Variants in CADPS2 observed in about 807,000 individuals in gnomAD.
The protein encoded by CADPS2 is calcium-dependent secretion activator 2.
CADPS2 carries 93 observed loss-of-function variants against 172.5 expected under a neutral mutation model. The observed-to-expected ratio is 0.54, with a 90% CI of 0.46 to 0.64. The LOEUF (loss-of-function observed/expected upper bound fraction) is 0.64. CADPS2 is among the 30% of genes least tolerant of loss of function. The pLI is 0.00. For synonymous variants in CADPS2, 546 were observed against 555.2 expected (o/e 0.98, Z 0.23); for missense variants, 1,420 against 1,565.9 (o/e 0.91, Z 1.57).
At chr7:122,405,139 C>A (rs113911847) in intron 20 of CADPS2, among the ~76,000 whole-genome samples, 4,521 of 145,986 alleles carry the variant, frequency 0.031, 212 homozygotes, top group African/African-American at 0.12. Context: ...AACAAAAAAA[C>A]AAAACAAAAC....
At chr7:122,517,128 T>C (rs1046868963) in intron 8 of CADPS2, among the ~76,000 whole-genome samples, 2 of 152,294 alleles carry the variant, frequency 1.3e-5, no homozygotes, top group African/African-American at 4.8e-5. Flanking sequence ...CAGAACAACA[T>C]ATAATTGGAA....
intron 28 of CADPS2, among the ~76,000 whole-genome samples, chr7:122,326,984 T>A (rs922420246): frequency 2.6e-5 from 4 of 152,076 alleles, no homozygotes; most frequent in Non-Finnish European, 5.9e-5. Flanking sequence ...CTTCAAGTTT[T>A]AAAAATGTGA....
chr7:122,657,216 G>T (rs2079913285), intron 3 of CADPS2, among the ~76,000 whole-genome samples: 1 of 152,178 alleles, frequency 6.6e-6, no homozygotes, highest in African/African-American at 2.4e-5. Flanking sequence ...CTGTAGCCTT[G>T]TAGTATAGTT....
At chr7:122,389,348 A>G (rs2044091821) in intron 22 of CADPS2, among the ~76,000 whole-genome samples, 1 of 152,032 alleles carries the variant, frequency 6.6e-6, no homozygotes, top group Non-Finnish European at 1.5e-5. Context: ...ATTGTCTGAC[A>G]GAGAAATGAC....
At chr7:122,404,455 G>T (rs956559260) in intron 20 of CADPS2, among the ~76,000 whole-genome samples, 1 of 152,106 alleles carries the variant, frequency 6.6e-6, no homozygotes, top group East Asian at 1.9e-4. Flanking sequence ...ATAAACATAC[G>T]TGTGCATGTG....
chr7:122,689,007 C>T (rs914115282), intron 2 of CADPS2, among the ~76,000 whole-genome samples: 1 of 152,122 alleles, frequency 6.6e-6, no homozygotes, highest in African/African-American at 2.4e-5. Context: ...TTACATTCCA[C>T]CCCCTAGGCT....
intron 16 of CADPS2, among the ~76,000 whole-genome samples, chr7:122,439,721 G>T (rs1006343094): frequency 6.6e-6 from 1 of 152,102 alleles, no homozygotes; most frequent in African/African-American, 2.4e-5. Flanking sequence ...AATTAGCACT[G>T]CACATTAGAC....
chr7:122,422,616 C>G (rs370725203), intron 17 of CADPS2, among the ~76,000 whole-genome samples: 1 of 152,100 alleles, frequency 6.6e-6, no homozygotes, highest in Non-Finnish European at 1.5e-5. Context: ...AATACTCTAT[C>G]TTAGGTAACT....
intron 29 of CADPS2, among the ~76,000 whole-genome samples, chr7:122,321,501 T>C (rs2032512775): frequency 6.6e-6 from 1 of 152,132 alleles, no homozygotes. Flanking sequence ...TTTTTGTTTT[T>C]ATTTTGACAT....
At chr7:122,347,309 T>G (rs1461651251) in intron 27 of CADPS2, among the ~76,000 whole-genome samples, 2 of 152,174 alleles carry the variant, frequency 1.3e-5, no homozygotes, top group African/African-American at 2.4e-5. Flanking sequence ...GGGGGCATAT[T>G]TTATATAACA....
At chr7:122,394,975 T>C (rs2044879534) in intron 20 of CADPS2, among the ~76,000 whole-genome samples, 2 of 152,186 alleles carry the variant, frequency 1.3e-5, no homozygotes, top group African/African-American at 4.8e-5. Flanking sequence ...AAGTTAGTAA[T>C]CTCATTCACT....
chr7:122,851,006 T>A, intron 1 of CADPS2, among the ~76,000 whole-genome samples: 1 of 152,362 alleles, frequency 6.6e-6, no homozygotes, highest in East Asian at 1.9e-4. Flanking sequence ...CTAAGTTGTA[T>A]GCCTACAATG....
intron 11 of CADPS2, among the ~76,000 whole-genome samples, chr7:122,483,171 T>C (rs1363110261): frequency 3.9e-5 from 6 of 152,146 alleles, no homozygotes; most frequent in African/African-American, 1.4e-4. Context: ...AGAACAAGCA[T>C]TTTTATGAAG....
intron 20 of CADPS2, among the ~76,000 whole-genome samples, chr7:122,396,792 C>CTGCTGACATATTTCT (rs574931880): frequency 6.6e-6 from 1 of 152,162 alleles, no homozygotes; most frequent in Non-Finnish European, 1.5e-5. Flanking sequence ...TGGTCTTCTC[C>CTGCTGACATATTTCT]TGCTGACATA....
intron 2 of CADPS2, among the ~76,000 whole-genome samples, chr7:122,733,338 C>A (rs1378773793): frequency 6.6e-6 from 1 of 151,838 alleles, no homozygotes; most frequent in Non-Finnish European, 1.5e-5. Context: ...TACTGCAATA[C>A]CCATTCACTC....
rs543222711 is a variant in CADPS2 at position 122,455,466 on chromosome 7, T to C, written c.2187-3991A>G. Among the ~76,000 whole-genome samples the C allele has an allele frequency of 2.3e-4, 35 of 152,030 alleles. No homozygotes were observed. The South Asian group carries it at 7.3e-3, about 32-fold the overall frequency. On this transcript the variant is annotated intron_variant, in intron 14 of 29. Transcript: ENST00000449022. ...ATGGCCACTGTACATATGGCTGCCA[T>C]CTAACATGATATATTTACCTATTTG... is the stretch of plus-strand genomic sequence containing the variant.
intron 2 of CADPS2, chr7:122,698,499 G>A: frequency 1.2e-6 from 2 of 1,613,874 alleles, no homozygotes; most frequent in South Asian, 1.1e-5. Context: ...GAAACATGGG[G>A]AACACCTGGT....
intron 20 of CADPS2, among the ~76,000 whole-genome samples, chr7:122,404,152 C>T (rs1401448032): frequency 6.6e-6 from 1 of 152,060 alleles, no homozygotes; most frequent in Admixed American, 6.6e-5. Context: ...CTCTCCCCAC[C>T]CCATAACAGG....
chr7:122,327,467 A>G (rs929465463), intron 28 of CADPS2, among the ~76,000 whole-genome samples: 23 of 152,138 alleles, frequency 1.5e-4, no homozygotes, highest in African/African-American at 5.5e-4. Flanking sequence ...GAGAAACTAT[A>G]TATATTTTAC....
Sources: gnomAD v4.1 joint callset for allele counts (sites outside exome capture counted in the v4.1 genomes callset) on GRCh38, gnomAD v4.1.1 for gene constraint, MANE v1.5 for transcripts, NCBI Gene and HGNC (gene_info 2026-07-23, HGNC 2026-07-21) for gene names.